The following AGPAT4 variants were observed in gnomAD, a reference collection of about 807,000 sequenced individuals.
AGPAT4 encodes 1-acylglycerol-3-phosphate O-acyltransferase 4, also known as 1-acyl-sn-glycerol-3-phosphate acyltransferase delta.
AGPAT4 carries 15 observed loss-of-function variants against 48.0 expected under a neutral mutation model. The observed-to-expected ratio is 0.31, with a 90% confidence interval of 0.21 to 0.48. The LOEUF (loss-of-function observed/expected upper bound fraction) is 0.48, where lower values mean the gene tolerates loss of function less well. Among genes scored for constraint, AGPAT4 ranks in the 20% least tolerant of loss-of-function variants. The pLI, the probability that AGPAT4 is intolerant of heterozygous loss-of-function variation, is 0.99. For synonymous variants in AGPAT4, 178 were observed against 198.7 expected (o/e 0.90, Z 0.88); for missense variants, 314 against 482.5 (o/e 0.65, Z 3.27).
At chr6:161,203,279 C>T (rs1653034290) in intron 2 of AGPAT4, among the ~76,000 whole-genome samples, 1 of 151,798 alleles carries the variant, frequency 6.6e-6, no homozygotes, top group Admixed American at 6.6e-5. Flanking sequence ...CAGCACCCAG[C>T]ATAATGCTTA....
chr6:161,265,455 G>A (rs1783227577), intron 1 of AGPAT4, among the ~76,000 whole-genome samples: 1 of 150,450 alleles, frequency 6.6e-6, no homozygotes, highest in African/African-American at 2.4e-5. Context: ...CGCTGGACTG[G>A]GTGCTGGATT....
chr6:161,158,859 C>T lies in AGPAT4; in HGVS notation c.349-4549G>A, dbSNP rs113401749. On this transcript the variant is annotated intron_variant, in intron 3 of 8. Coordinates refer to ENST00000320285, the MANE Select transcript of AGPAT4 (RefSeq NM_020133.3). The surrounding 1 kb of genome is among the most constrained non-coding windows in gnomAD (Gnocchi z 5.3). Reference sequence around the variant, plus strand: ...GGAGCAGCAGGGTATCCTGCTCCTGCACCGCCTCCACCCCCACTAACACCA... The same window carrying T: ...GGAGCAGCAGGGTATCCTGCTCCTGTACCGCCTCCACCCCCACTAACACCA... Among the ~76,000 whole-genome samples the T allele has an allele frequency of 3.6e-4, 55 of 152,316 alleles. 1 individual carries two copies. Among genetic ancestry groups the T allele is most frequent in the African/African-American group, 1.3e-3 (54 of 41,568 alleles).
rs577547538 is a variant in AGPAT4, at chr6:161,229,496, T to C, written c.178+2540A>G. ...AACACTCTTTTTACATGGCCTTGGT[T>C]ACTGTGAAATAATTGACAGAGGAAG... is the stretch of plus-strand genomic sequence containing the variant. On this transcript the variant is annotated intron_variant, in intron 2 of 8. Transcript: ENST00000320285. The surrounding 1 kb of genome is among the most constrained non-coding windows in gnomAD (Gnocchi z 6.0). Among the ~76,000 whole-genome samples the C allele has an allele frequency of 2.5e-4, 38 of 152,256 alleles. No individual in the cohort carries two copies. Among genetic ancestry groups the C allele is most frequent in the African/African-American group, 8.7e-4 (36 of 41,550 alleles).
Position 161,221,413 on chromosome 6 carries a change from C to A in AGPAT4, c.178+10623G>T, listed in dbSNP as rs9458158. 6.6e-6 allele frequency among the ~76,000 whole-genome samples: 1 copy of A among 151,794 alleles called. No individual in the cohort carries two copies. Among genetic ancestry groups the A allele is most frequent in the Non-Finnish European group, 1.5e-5 (1 of 67,984 alleles). On this transcript the variant is annotated intron_variant, in intron 2 of 8. Transcript: ENST00000320285. The surrounding 1 kb of genome is among the most constrained non-coding windows in gnomAD (Gnocchi z 4.5). ...CATGGATAAAAGCAAGGTATTTTAT[C>A]GTATAATCTCTCATTTCCTATCTTA...
rs534561150 is a variant in AGPAT4, at chr6:161,158,545, C to T, written c.349-4235G>A. Among the ~76,000 whole-genome samples, 6 of 152,232 alleles carry T rather than the reference C, an allele frequency of 3.9e-5. No individual in the cohort carries two copies. The highest frequency in any genetic ancestry group is 2.1e-4 in the South Asian group (1 of 4,818). ...GGTGCTTGGAGCTAATCTAGTTGAG[C>T]GACCCATCCTGAGGCTCCCCACAGC... On this transcript the variant is annotated intron_variant, in intron 3 of 8. Transcript: ENST00000320285. The surrounding 1 kb of genome is among the most constrained non-coding windows in gnomAD (Gnocchi z 5.3).
chr6:161,198,256 TA>T lies in AGPAT4; in HGVS notation c.179-31840del, dbSNP rs1452925652. The stretch of plus-strand genomic sequence containing the variant: ...TATACTTCTTGCTTGTACGTAAATA[TA>T]ATCTCAAGTAATTTTTCATGCTTTG... On this transcript the variant is annotated intron_variant, in intron 2 of 8. Transcript: ENST00000320285. This position sits in a 1 kb window ranked among gnomAD's most constrained non-coding sequence, Gnocchi z 4.3. Among the ~76,000 whole-genome samples the T allele has an allele frequency of 6.6e-6, 1 of 152,234 alleles. No individual in the cohort carries two copies. The highest frequency in any genetic ancestry group is 1.5e-5 in the Non-Finnish European group (1 of 68,048).
intron 4 of AGPAT4, among the ~76,000 whole-genome samples, chr6:161,153,834 T>C (rs28548176): frequency 0.093 from 8,500 of 91,886 alleles, 954 homozygotes; most frequent in African/African-American, 0.3. Context: ...GGGTCACACA[T>C]AGCCCCAGGG....
Position 161,184,458 on chromosome 6 carries a change from G to C in AGPAT4, c.179-18041C>G, listed in dbSNP as rs1488029117. ...GTGTGTGGAGGGAGATAGAGGGGCA[G>C]GTGATGGAGGAGTCTGGCATTTGGG... On this transcript the variant is annotated intron_variant, in intron 2 of 8. Transcript: ENST00000320285. The surrounding 1 kb of genome is among the most constrained non-coding windows in gnomAD (Gnocchi z 4.8). Among the ~76,000 whole-genome samples, 1 of 152,008 alleles carries C rather than the reference G, an allele frequency of 6.6e-6. No individual in the cohort carries two copies. Among genetic ancestry groups the C allele is most frequent in the Non-Finnish European group, 1.5e-5 (1 of 67,998 alleles).
chr6:161,167,321 G>A (rs1273601803), intron 2 of AGPAT4, among the ~76,000 whole-genome samples: 1 of 152,150 alleles, frequency 6.6e-6, no homozygotes, highest in Admixed American at 6.5e-5. Flanking sequence ...AACCTCCCAG[G>A]CTCAAGTGAT....
intron 2 of AGPAT4, among the ~76,000 whole-genome samples, chr6:161,190,780 T>C (rs7768085): frequency 0.08 from 12,155 of 152,080 alleles, 1,619 homozygotes; most frequent in African/African-American, 0.28. Context: ...AAAATACCCA[T>C]CTCTAGAATA....
chr6:161,231,925 A>C lies in AGPAT4; in HGVS notation c.178+111T>G. The C allele has an allele frequency of 8.8e-7, 1 of 1,141,276 alleles. No homozygotes were observed. Among genetic ancestry groups the C allele is most frequent in the Non-Finnish European group, 1.2e-6 (1 of 844,350 alleles). 70.7% of individuals were successfully genotyped at this position (1,141,276 alleles called of 1,614,324 possible). A position where few individuals can be genotyped will look rare whatever the true frequency, so the allele number is the denominator to read the frequency against. ...TTCAAACCTAAAACAAAAACAAAAC[A>C]AAAAAACAGCTCGGCACACAACGAA... is the stretch of plus-strand genomic sequence containing the variant. On this transcript the variant is annotated intron_variant, in intron 2 of 8. Coordinates refer to ENST00000320285, the MANE Select transcript of AGPAT4 (RefSeq NM_020133.3). This position sits in a 1 kb window ranked among gnomAD's most constrained non-coding sequence, Gnocchi z 5.3.
rs1410020607 is a variant in AGPAT4, at chr6:161,195,391, A to G, written c.179-28974T>C. 1.3e-5 allele frequency among the ~76,000 whole-genome samples: 2 copies of G among 152,230 alleles called. No individual in the cohort carries two copies. Among genetic ancestry groups the G allele is most frequent in the Non-Finnish European group, 2.9e-5 (2 of 68,038 alleles). ...ATTGGGCGGGTTATAAACACCTTTC[A>G]TTATATGGCATGACCTGCAAGGAAT... On this transcript the variant is annotated intron_variant, in intron 2 of 8. Transcript: ENST00000320285. This position sits in a 1 kb window ranked among gnomAD's most constrained non-coding sequence, Gnocchi z 5.0.
In AGPAT4 at chr6:161,246,310, G is replaced by A. The variant is rs75548061; in HGVS notation, c.-89-14008C>T. 9.9e-3 allele frequency among the ~76,000 whole-genome samples: 1,513 copies of A among 152,202 alleles called. 20 individuals carry two copies. The highest frequency in any genetic ancestry group is 0.034 in the African/African-American group (1,420 of 41,522). On this transcript the variant is annotated intron_variant, in intron 1 of 8. Coordinates refer to ENST00000320285, the MANE Select transcript of AGPAT4 (RefSeq NM_020133.3). This position sits in a 1 kb window ranked among gnomAD's most constrained non-coding sequence, Gnocchi z 5.5. ...ATTCATTCATTAGGTTCCCATCCAA[G>A]GAGCTACCCGTTCATTCATTCAGCT...
chr6:161,258,227 T>C (rs1782996910), intron 1 of AGPAT4, among the ~76,000 whole-genome samples: 1 of 152,226 alleles, frequency 6.6e-6, no homozygotes, highest in Non-Finnish European at 1.5e-5. Context: ...ACGTCCATTG[T>C]CTTCCCTAAA....
At position 161,146,696 on chromosome 6, in the gene AGPAT4, G is replaced by A; in HGVS notation, c.768-97C>T. 1 of 1,101,408 alleles carries A rather than the reference G, an allele frequency of 9.1e-7. No individual in the cohort carries two copies. The highest frequency in any genetic ancestry group is 1.4e-6 in the Non-Finnish European group (1 of 731,216). The allele number at this position is 1,101,408 out of a possible 1,614,324, so 68.2% of individuals were successfully genotyped here. A position where few individuals can be genotyped will look rare whatever the true frequency, so the allele number is the denominator to read the frequency against. ...GCTGCCGTTTTTTGTTTTTATCTGGGTCACCTAAATAATGTGGAACTGAAG... is the reference window on the plus strand; with the variant it reads ...GCTGCCGTTTTTTGTTTTTATCTGGATCACCTAAATAATGTGGAACTGAAG... On this transcript the variant is annotated intron_variant, in intron 6 of 8. Coordinates refer to ENST00000320285, the MANE Select transcript of AGPAT4 (RefSeq NM_020133.3). This position sits in a 1 kb window ranked among gnomAD's most constrained non-coding sequence, Gnocchi z 7.1.
At position 161,155,201 on chromosome 6, in the gene AGPAT4, G is replaced by T. The variant is rs1056872850; in HGVS notation, c.349-891C>A. Among the ~76,000 whole-genome samples, 5 of 152,194 alleles carry T rather than the reference G, an allele frequency of 3.3e-5. No homozygotes were observed. Among genetic ancestry groups the T allele is most frequent in the African/African-American group, 1.2e-4 (5 of 41,452 alleles). ...CCCCAGCCAGGCGTCCACTACATCAGTCCCCCTACACTGAGGAAGACCAGG... is the reference window on the plus strand; with the variant it reads ...CCCCAGCCAGGCGTCCACTACATCATTCCCCCTACACTGAGGAAGACCAGG... On this transcript the variant is annotated intron_variant, in intron 3 of 8. Transcript: ENST00000320285. This position sits in a 1 kb window ranked among gnomAD's most constrained non-coding sequence, Gnocchi z 5.8.
chr6:161,191,271 A>C (rs1040723), intron 2 of AGPAT4, among the ~76,000 whole-genome samples: 137,271 of 152,242 alleles, frequency 0.9, 62,032 homozygotes, highest in African/African-American at 0.97. Flanking sequence ...CCAGACTCAG[A>C]CCAGGCCTGT....
rs1562354275 is a variant in AGPAT4 at position 161,243,561 on chromosome 6, C to T, written c.-89-11259G>A. The stretch of plus-strand genomic sequence containing the variant: ...TCAGTAGCTTATGCTCTCTGAGCCT[C>T]CGGGTCTGTATCTGCTAATGGAGGT... On this transcript the variant is annotated intron_variant, in intron 1 of 8. Coordinates refer to ENST00000320285, the MANE Select transcript of AGPAT4 (RefSeq NM_020133.3). This position sits in a 1 kb window ranked among gnomAD's most constrained non-coding sequence, Gnocchi z 4.8. 6.6e-6 allele frequency among the ~76,000 whole-genome samples: 1 copy of T among 152,160 alleles called. No individual in the cohort carries two copies. The highest frequency in any genetic ancestry group is 1.5e-5 in the Non-Finnish European group (1 of 68,030).
chr6:161,138,025 GGT>G lies in AGPAT4; in HGVS notation c.1043-1393_1043-1392del, dbSNP rs969135971. Among the ~76,000 whole-genome samples, 1 of 152,124 alleles carries G rather than the reference GGT, an allele frequency of 6.6e-6. No individual in the cohort carries two copies. The highest frequency in any genetic ancestry group is 2.4e-5 in the African/African-American group (1 of 41,408). Reference sequence around the variant, plus strand: ...AGGGGCCCCTCTCCAAGACGGCGTGGGTGTGTGTGTGCCTTGCTGTTGCCTGC... The same window carrying G: ...AGGGGCCCCTCTCCAAGACGGCGTGGGTGTGTGTGCCTTGCTGTTGCCTGC... On this transcript the variant is annotated intron_variant, in intron 8 of 8. Transcript: ENST00000320285. The surrounding 1 kb of genome is among the most constrained non-coding windows in gnomAD (Gnocchi z 4.8).
Sources: allele counts gnomAD v4.1 joint callset (sites outside exome capture counted in the v4.1 genomes callset), GRCh38; gene constraint gnomAD v4.1.1; non-coding constraint Gnocchi (gnomAD v3.1); transcripts MANE v1.5; gene names NCBI Gene and HGNC (gene_info 2026-07-23, HGNC 2026-07-21).